The following DTYMK variants were observed in gnomAD, a reference collection of about 807,000 sequenced individuals.
DTYMK encodes the protein deoxythymidylate kinase, also known as thymidylate kinase.
DTYMK carries 20 observed loss-of-function variants against 20.3 expected under a neutral mutation model. The ratio of observed to expected loss-of-function variants is 0.99; its 90% CI spans 0.69 to 1.43. DTYMK has a LOEUF of 1.43. Among genes scored for constraint, DTYMK ranks in the 40% most tolerant of loss-of-function variants. The pLI, the probability that DTYMK is intolerant of heterozygous loss-of-function variation, is 0.00. For synonymous variants in DTYMK, 148 were observed against 124.4 expected (o/e 1.19, Z -1.27); for missense variants, 320 against 291.1 (o/e 1.10, Z -0.72).
chr2:241,679,334 C>T (rs1257764583), intron 3 of DTYMK, among the ~76,000 whole-genome samples: 1 of 152,220 alleles, frequency 6.6e-6, no homozygotes. Flanking sequence ...GAGAACCTCC[C>T]ACAGAGCCTG....
intron 3 of DTYMK, 39 bp downstream of exon 3, chr2:241,680,190 C>A: frequency 6.2e-7 from 1 of 1,607,368 alleles, no homozygotes; most frequent in African/African-American, 1.3e-5. Context: ...TGGGTCCACA[C>A]ATCTGTGCTC....
intron 2 of DTYMK, chr2:241,682,212 G>A (rs780322589): frequency 1.5e-5 from 7 of 453,118 alleles, no homozygotes; most frequent in South Asian, 7.8e-5. Context: ...GTGTGTTAAC[G>A]TGCCTATAGT....
chr2:241,680,889 C>T (rs760116474), intron 2 of DTYMK, among the ~76,000 whole-genome samples: 2 of 152,140 alleles, frequency 1.3e-5, no homozygotes, highest in Non-Finnish European at 2.9e-5. Flanking sequence ...GTTCCAGAAA[C>T]ACGGCAGGGG....
At chr2:241,682,044 TAA>T in intron 2 of DTYMK, 1 of 310,434 alleles carries the variant, frequency 3.2e-6, no homozygotes, top group Admixed American at 4.8e-5. Context: ...ACATTTCTCC[TAA>T]AAAAAAATAA....
At chr2:241,678,023 C>A (rs2125160581) in intron 4 of DTYMK, among the ~76,000 whole-genome samples, 1 of 152,268 alleles carries the variant, frequency 6.6e-6, no homozygotes, top group South Asian at 2.1e-4. Context: ...TGCCTATAAT[C>A]CCAGCACTTT....
intron 2 of DTYMK, among the ~76,000 whole-genome samples, chr2:241,684,178 G>A (rs956704810): frequency 6.6e-6 from 1 of 152,132 alleles, no homozygotes; most frequent in African/African-American, 2.4e-5. Flanking sequence ...CACAAGAGAC[G>A]TAGCCCTGGG....
At chr2:241,682,511 G>C (rs1156235035) in intron 2 of DTYMK, among the ~76,000 whole-genome samples, 2 of 152,190 alleles carry the variant, frequency 1.3e-5, no homozygotes, top group African/African-American at 4.8e-5. Context: ...GCCAAGGCTG[G>C]GCGTAATGGC....
At position 241,678,640 on chromosome 2, in the gene DTYMK, G is replaced by C. The variant is rs371014471; in HGVS notation, c.340C>G (p.Leu114Val). Residue 114 changes from leucine to valine, a missense_variant, in exon 4 of 5, where the codon CTA becomes GTA. Coordinates refer to ENST00000305784, the MANE Select transcript of DTYMK (RefSeq NM_012145.4). Reference protein sequence around the residue: ...AFTGAKENFSLDWCKQPDVGL... With the variant: ...AFTGAKENFSVDWCKQPDVGL... ...ACGTCTGGCTGTTTACACCAATCTA[G>C]GGAAAAATTCTGCCAAGAAAGAACC... 8.7e-6 allele frequency: 14 copies of C among 1,613,984 alleles called. No individual in the cohort carries two copies. In the African/African-American group the frequency reaches 1.7e-4, roughly 20 times the overall value.
intron 2 of DTYMK, among the ~76,000 whole-genome samples, chr2:241,683,398 C>G (rs2069310637): frequency 2.0e-5 from 3 of 152,150 alleles, no homozygotes; most frequent in African/African-American, 7.2e-5. Context: ...TGCAGCCCAA[C>G]ACAAATTTGT....
chr2:241,684,661 A>G (rs1209678928), intron 2 of DTYMK: 4 of 435,888 alleles, frequency 9.2e-6, no homozygotes. Flanking sequence ...AATTCTAACT[A>G]TAGTAGTTTC....
intron 4 of DTYMK, among the ~76,000 whole-genome samples, chr2:241,676,780 C>T (rs2069126647): frequency 6.6e-6 from 1 of 152,230 alleles, no homozygotes; most frequent in South Asian, 2.1e-4. Context: ...CCACCCAGCC[C>T]ACCAGGTCGA....
chr2:241,678,962 C>G (rs2069180624), intron 3 of DTYMK, among the ~76,000 whole-genome samples: 1 of 152,226 alleles, frequency 6.6e-6, no homozygotes, highest in Non-Finnish European at 1.5e-5. Flanking sequence ...CAGGAGCAAA[C>G]AGTCTATGTA....
intron 2 of DTYMK, chr2:241,684,819 T>C: frequency 2.3e-6 from 1 of 436,840 alleles, no homozygotes; most frequent in Admixed American, 3.1e-5. Context: ...TGTATCAATA[T>C]TGGTTATCAA....
At chr2:241,684,494 A>C (rs1187318151) in intron 2 of DTYMK, among the ~76,000 whole-genome samples, 2 of 152,222 alleles carry the variant, frequency 1.3e-5, no homozygotes, top group Non-Finnish European at 2.9e-5. Flanking sequence ...GGAACTGGCT[A>C]CACGTACCGT....
At position 241,676,240 on chromosome 2, in the gene DTYMK, G is replaced by A. The variant is rs1412464692; in HGVS notation, c.529-3C>T. 4 of 1,608,830 alleles carry A rather than the reference G, an allele frequency of 2.5e-6. No homozygotes were observed. The African/African-American group carries it at 4.0e-5, about 16-fold the overall frequency. The stretch of plus-strand genomic sequence containing the variant: ...ATGCTTTTGGAAGCATCCACCATCT[G>A]TTCCCACCGGGGTTTCAGGAGAAAA... On this transcript the variant is annotated splice_polypyrimidine_tract_variant and splice_region_variant and intron_variant, in intron 4 of 4. Transcript: ENST00000305784.
rs2069431568 is a variant in DTYMK, at chr2:241,686,809, T to A, written c.-26A>T. ...GACTGTCCACCGCCCGCCGCTGGCG[T>A]CTCCACGCAGCCTTCCGGAGCTCCC... On this transcript the variant is annotated 5_prime_UTR_variant, in exon 1 of 5. Transcript: ENST00000305784. 1.4e-6 allele frequency: 2 copies of A among 1,438,022 alleles called. No homozygotes were observed. The highest frequency in any genetic ancestry group is 1.8e-6 in the Non-Finnish European group (2 of 1,106,298). 89.1% of individuals were successfully genotyped at this position (1,438,022 alleles called of 1,614,324 possible). A position where few individuals can be genotyped will look rare whatever the true frequency, so the allele number is the denominator to read the frequency against.
rs377088152 is a variant in DTYMK, at chr2:241,678,457, A to G, written c.523T>C (p.Trp175Arg). 74 of 1,614,032 alleles carry G rather than the reference A, an allele frequency of 4.6e-5. No homozygotes were observed. Among genetic ancestry groups the G allele is most frequent in the Non-Finnish European group, 6.3e-5 (74 of 1,180,032 alleles). Residue 175 changes from tryptophan (W) to arginine (R), a missense_variant, in exon 4 of 5, where the codon TGG becomes CGG. Coordinates refer to ENST00000305784, the MANE Select transcript of DTYMK (RefSeq NM_012145.4). ...HQLMKDTTLN[W>R]KMVDASKSIE... is the part of the protein sequence containing the mutation. ...TGCAATTCTGGGATTCTCACCTTCC[A>G]GTTCAAAGTCGTGTCTTTCATGAGC...
chr2:241,678,772 T>G, intron 3 of DTYMK, 123 bp from the exon 4 acceptor site: 1 of 1,098,518 alleles, frequency 9.1e-7, no homozygotes, highest in South Asian at 1.6e-5. Flanking sequence ...ACTGTTTATA[T>G]TGTGGCTCGT....
chr2:241,678,500 C>T lies in DTYMK; in HGVS notation c.480G>A (p.Ala160=), dbSNP rs145708261. The change falls in exon 4 of 5, where the codon GCG becomes GCA. Residue 160 remains alanine, a synonymous_variant. Coordinates refer to ENST00000305784, the MANE Select transcript of DTYMK (RefSeq NM_012145.4). ...RYENGAFQER[A]LRCFHQLMKD... ...TCATGAGCTGGTGGAAACACCGGAG[C>T]GCCCGCTCCTGGAAAGCCCCGTTCT... The T allele has an allele frequency of 7.7e-5, 125 of 1,614,078 alleles. No individual in the cohort carries two copies. Among genetic ancestry groups the T allele is most frequent in the Non-Finnish European group, 9.3e-5 (110 of 1,180,054 alleles).
Sources: gnomAD v4.1 joint callset for allele counts (sites outside exome capture counted in the v4.1 genomes callset) on GRCh38, gnomAD v4.1.1 for gene constraint, MANE v1.5 for transcripts, NCBI Gene and HGNC (gene_info 2026-07-23, HGNC 2026-07-21) for gene names.